The following GDPD1 variants were observed in gnomAD, a reference collection of about 807,000 sequenced individuals.
The protein encoded by GDPD1 is glycerophosphodiester phosphodiesterase domain containing 1.
GDPD1 carries 28 observed loss-of-function variants against 45.1 expected under a neutral mutation model. That is an observed-to-expected ratio of 0.62 (90% CI 0.46 to 0.85). The LOEUF (loss-of-function observed/expected upper bound fraction) is 0.85. GDPD1 is among the 40% of genes least tolerant of loss of function. The probability of loss-of-function intolerance (pLI) is 0.00; values close to 1 mark genes in which losing one functional copy is unlikely to be tolerated. For missense variants in GDPD1, 256 were observed against 364.8 expected (o/e 0.70, Z 2.43); for synonymous variants, 139 against 131.4 (o/e 1.06, Z -0.40).
chr17:59,224,465 T>C (rs1489119345), intron 1 of GDPD1, among the ~76,000 whole-genome samples: 1 of 151,408 alleles, frequency 6.6e-6, no homozygotes, highest in Non-Finnish European at 1.5e-5. Flanking sequence ...CTACTAAAAA[T>C]ACAAAAAAAG....
At chr17:59,237,991 G>T (rs958743922) in intron 2 of GDPD1, among the ~76,000 whole-genome samples, 13 of 148,840 alleles carry the variant, frequency 8.7e-5, no homozygotes, top group African/African-American at 3.2e-4. Flanking sequence ...AAAAAAGGCC[G>T]GGCATGGTGG....
At position 59,245,567 on chromosome 17, in the gene GDPD1, A is replaced by T. The variant is rs184782594; in HGVS notation, c.321+18A>T. The stretch of plus-strand genomic sequence containing the variant: ...AATACTGTGTAAGTAAAAATGCATG[A>T]TAAACTAATATCTAATAGATGTCGC... On this transcript the variant is annotated intron_variant, in intron 3 of 9. Transcript: ENST00000284116. 325 of 1,583,216 alleles carry T rather than the reference A, an allele frequency of 2.1e-4. 6 individuals are homozygous for T. The East Asian group carries it at 5.6e-3, about 27-fold the overall frequency.
intron 2 of GDPD1, among the ~76,000 whole-genome samples, chr17:59,235,118 T>C (rs2047121768): frequency 6.6e-6 from 1 of 152,108 alleles, no homozygotes; most frequent in Non-Finnish European, 1.5e-5. Context: ...TTAGAGTCAA[T>C]GATTATCATC....
At chr17:59,229,488 G>A (rs774422446) in intron 1 of GDPD1, among the ~76,000 whole-genome samples, 5 of 151,594 alleles carry the variant, frequency 3.3e-5, no homozygotes, top group Non-Finnish European at 5.9e-5. Context: ...GCCTCCCAAA[G>A]TGCTGGAATT....
At chr17:59,236,258 T>C (rs2047131232) in intron 2 of GDPD1, among the ~76,000 whole-genome samples, 1 of 152,226 alleles carries the variant, frequency 6.6e-6, no homozygotes, top group African/African-American at 2.4e-5. Context: ...CCTCTTAACA[T>C]TTTTCTGATA....
At chr17:59,246,104 T>G (rs2047209117) in intron 3 of GDPD1, among the ~76,000 whole-genome samples, 1 of 150,258 alleles carries the variant, frequency 6.7e-6, no homozygotes, top group Non-Finnish European at 1.5e-5. Context: ...TGGGCAAGAG[T>G]GAGACTCTGT....
At chr17:59,223,582 A>C (rs540423687) in intron 1 of GDPD1, among the ~76,000 whole-genome samples, 252 of 152,324 alleles carry the variant, frequency 1.7e-3, no homozygotes, top group Middle Eastern at 3.4e-3. Context: ...CTTATTCTCT[A>C]CTGCCATAAC....
At chr17:59,232,546 C>A (rs549018240) in intron 1 of GDPD1, among the ~76,000 whole-genome samples, 13 of 151,736 alleles carry the variant, frequency 8.6e-5, no homozygotes, top group Non-Finnish European at 1.9e-4. Flanking sequence ...ATTAATTGAC[C>A]AATGGTGAAA....
At chr17:59,240,096 G>C (rs2047164082) in intron 2 of GDPD1, among the ~76,000 whole-genome samples, 1 of 152,036 alleles carries the variant, frequency 6.6e-6, no homozygotes, top group Non-Finnish European at 1.5e-5. Flanking sequence ...TTCGAGACCA[G>C]CCTGTCCAAT....
At chr17:59,253,433 G>T (rs991489544) in intron 4 of GDPD1, among the ~76,000 whole-genome samples, 2 of 151,998 alleles carry the variant, frequency 1.3e-5, no homozygotes, top group African/African-American at 4.8e-5. Flanking sequence ...TGAATTCCTG[G>T]CCTCAAGCAA....
chr17:59,241,807 A>G (rs1477850273), intron 2 of GDPD1, among the ~76,000 whole-genome samples: 1 of 151,954 alleles, frequency 6.6e-6, no homozygotes, highest in East Asian at 2.0e-4. Flanking sequence ...AGGTGCTTGT[A>G]ATCCCAGCTA....
At chr17:59,247,634 A>ATT (rs559248195) in intron 3 of GDPD1, among the ~76,000 whole-genome samples, 3,587 of 147,338 alleles carry the variant, frequency 0.024, 147 homozygotes, top group African/African-American at 0.085. Flanking sequence ...ACTGCACTGA[A>ATT]TTTTTTTTTT....
Position 59,275,377 on chromosome 17 carries a change from T to C in GDPD1, c.*1604T>C. On this transcript the variant is annotated 3_prime_UTR_variant, in exon 10 of 10. Coordinates refer to ENST00000284116, the MANE Select transcript of GDPD1 (RefSeq NM_182569.4). Reference sequence around the variant, plus strand: ...TAGATTTCTGAGTTGTTGTTGTTAATGGAACATTCTATTTGAGACCTTTTT... The same window carrying C: ...TAGATTTCTGAGTTGTTGTTGTTAACGGAACATTCTATTTGAGACCTTTTT... 1 of 541,604 alleles carries C rather than the reference T, an allele frequency of 1.8e-6. No individual in the cohort carries two copies. Among genetic ancestry groups the C allele is most frequent in the Non-Finnish European group, 3.3e-6 (1 of 304,044 alleles). 33.5% of individuals were successfully genotyped at this position (541,604 alleles called of 1,614,324 possible).
At chr17:59,245,096 T>A (rs2047200653) in intron 2 of GDPD1, among the ~76,000 whole-genome samples, 1 of 152,230 alleles carries the variant, frequency 6.6e-6, no homozygotes, top group South Asian at 2.1e-4. Context: ...GAGAAGAATT[T>A]ACTTGCCCAA....
At position 59,228,279 on chromosome 17, in the gene GDPD1, A is replaced by G. The variant is rs2047063247; in HGVS notation, c.143-6213A>G. Among the ~76,000 whole-genome samples the G allele has an allele frequency of 2.0e-5, 3 of 152,244 alleles. No homozygotes were observed. In the South Asian group the frequency reaches 6.2e-4, roughly 32 times the overall value. On this transcript the variant is annotated intron_variant, in intron 1 of 9. Transcript: ENST00000284116. ...TCTTAGGTAGCTTTTCTAAGGTCAC[A>G]CAATTATTAAACAGATTGGAGACCA... is the stretch of plus-strand genomic sequence containing the variant.
At chr17:59,271,781 C>T (rs979638958) in intron 8 of GDPD1, among the ~76,000 whole-genome samples, 1 of 151,580 alleles carries the variant, frequency 6.6e-6, no homozygotes, top group African/African-American at 2.4e-5. Flanking sequence ...CTATAGGTGC[C>T]TCCCACCATG....
chr17:59,259,784 T>G (rs563458092), intron 6 of GDPD1, among the ~76,000 whole-genome samples: 2 of 143,836 alleles, frequency 1.4e-5, no homozygotes, highest in South Asian at 4.4e-4. Context: ...AGGGTCAGGC[T>G]AAGTGGCTCA....
intron 1 of GDPD1, among the ~76,000 whole-genome samples, chr17:59,233,028 C>T (rs1392660408): frequency 1.3e-5 from 2 of 151,870 alleles, no homozygotes; most frequent in African/African-American, 4.8e-5. Flanking sequence ...CCAGCCTGGC[C>T]ATCATGGCAA....
chr17:59,232,085 G>A (rs955547175), intron 1 of GDPD1, among the ~76,000 whole-genome samples: 1 of 152,102 alleles, frequency 6.6e-6, no homozygotes, highest in Non-Finnish European at 1.5e-5. Flanking sequence ...GACTTTTAAG[G>A]ATGCCATATG....
Sources: allele counts gnomAD v4.1 joint callset (sites outside exome capture counted in the v4.1 genomes callset), GRCh38; gene constraint gnomAD v4.1.1; transcripts MANE v1.5; gene names NCBI Gene and HGNC (gene_info 2026-07-23, HGNC 2026-07-21).